The following SARNP variants were observed in gnomAD, a reference collection of about 807,000 sequenced individuals.
SARNP encodes SAP domain containing ribonucleoprotein, also known as SAP domain-containing ribonucleoprotein.
A neutral mutation model predicts 38.1 loss-of-function variants in SARNP; 5 were observed. That is an observed-to-expected ratio of 0.13 (90% CI 0.07 to 0.28). SARNP has a LOEUF of 0.28. Ranked by LOEUF, SARNP falls within the 10% of genes least tolerant of loss-of-function variation. The pLI, the probability that SARNP is intolerant of heterozygous loss-of-function variation, is 1.00. For synonymous variants in SARNP, 84 were observed against 80.6 expected (o/e 1.04, Z -0.23); for missense variants, 180 against 243.9 (o/e 0.74, Z 1.75).
intron 1 of SARNP, among the ~76,000 whole-genome samples, chr12:55,813,279 A>C (rs905912439): frequency 7.9e-5 from 12 of 152,168 alleles, no homozygotes; most frequent in African/African-American, 2.4e-4. Flanking sequence ...ACAGGGTCTT[A>C]TGAAATTATA....
At chr12:55,757,925 G>A (rs1406582356) in intron 10 of SARNP, among the ~76,000 whole-genome samples, 1 of 152,178 alleles carries the variant, frequency 6.6e-6, no homozygotes, top group Non-Finnish European at 1.5e-5. Context: ...TCCAGTCAAT[G>A]GGGAGACGGA....
At chr12:55,765,920 C>T (rs891205708) in intron 9 of SARNP, among the ~76,000 whole-genome samples, 1 of 152,234 alleles carries the variant, frequency 6.6e-6, no homozygotes, top group South Asian at 2.1e-4. Flanking sequence ...TCTAGCGTGA[C>T]GGTGTTGCAT....
At chr12:55,772,213 A>G (rs1450539803) in intron 9 of SARNP, among the ~76,000 whole-genome samples, 2 of 152,172 alleles carry the variant, frequency 1.3e-5, no homozygotes, top group Non-Finnish European at 2.9e-5. Flanking sequence ...CTATCCACAC[A>G]TATACACATA....
chr12:55,778,695 G>GGT (rs1879256208), intron 9 of SARNP, among the ~76,000 whole-genome samples: 1 of 152,198 alleles, frequency 6.6e-6, no homozygotes, highest in African/African-American at 2.4e-5. Context: ...CAAGAGGCCA[G>GGT]GTGTGGTAGC....
At chr12:55,813,737 T>C (rs1592585998) in intron 1 of SARNP, among the ~76,000 whole-genome samples, 1 of 151,806 alleles carries the variant, frequency 6.6e-6, no homozygotes, top group South Asian at 2.1e-4. Flanking sequence ...AGTGACGGGG[T>C]TTCTCCATGT....
chr12:55,762,401 G>C (rs1878704215), intron 9 of SARNP, among the ~76,000 whole-genome samples: 1 of 151,152 alleles, frequency 6.6e-6, no homozygotes, highest in African/African-American at 2.4e-5. Flanking sequence ...TGCCTCCCAA[G>C]TAGCTGGACT....
intron 9 of SARNP, among the ~76,000 whole-genome samples, chr12:55,783,159 A>G (rs1316679430): frequency 6.6e-6 from 1 of 152,064 alleles, no homozygotes; most frequent in Non-Finnish European, 1.5e-5. Flanking sequence ...GTCCTTCACC[A>G]ACGGCACTGA....
chr12:55,767,510 C>G (rs1878873243), intron 9 of SARNP, among the ~76,000 whole-genome samples: 1 of 152,002 alleles, frequency 6.6e-6, no homozygotes, highest in Non-Finnish European at 1.5e-5. Context: ...TGTCACGCCG[C>G]TGCACTTCAG....
chr12:55,816,192 G>T (rs7954619), intron 1 of SARNP, among the ~76,000 whole-genome samples: 1 of 152,100 alleles, frequency 6.6e-6, no homozygotes, highest in African/African-American at 2.4e-5. Context: ...ACTTACTCCA[G>T]GGATTTCAAA....
chr12:55,774,377 G>T (rs1879099134), intron 9 of SARNP, among the ~76,000 whole-genome samples: 2 of 151,694 alleles, frequency 1.3e-5, no homozygotes, highest in South Asian at 4.2e-4. Context: ...TTCTGTAACT[G>T]ACTCCTCTAT....
chr12:55,816,763 C>A (rs886366023), intron 1 of SARNP, among the ~76,000 whole-genome samples: 1 of 152,002 alleles, frequency 6.6e-6, no homozygotes, highest in Admixed American at 6.6e-5. Flanking sequence ...TTAAAATGTT[C>A]TTCTTTTTAA....
At chr12:55,811,281 G>C (rs764031033) in intron 1 of SARNP, among the ~76,000 whole-genome samples, 5 of 152,108 alleles carry the variant, frequency 3.3e-5, no homozygotes, top group Non-Finnish European at 5.9e-5. Flanking sequence ...GCTTGGCCAG[G>C]TGTGGTGGCT....
chr12:55,757,366 G>A lies in SARNP; in HGVS notation c.*146C>T, dbSNP rs1592550924. 4 of 478,828 alleles carry A rather than the reference G, an allele frequency of 8.4e-6. No homozygotes were observed. The highest frequency in any genetic ancestry group is 1.4e-5 in the Non-Finnish European group (4 of 278,384). 29.7% of individuals were successfully genotyped at this position (478,828 alleles called of 1,614,324 possible). On this transcript the variant is annotated 3_prime_UTR_variant, in exon 11 of 11. Coordinates refer to ENST00000336133, the MANE Select transcript of SARNP (RefSeq NM_033082.4). ...AACAGCAATAAGTCAAACTGCTGCC[G>A]CAGTTCATGGATGTACCTGGGGTAC...
chr12:55,804,430 A>C (rs1565682502), intron 1 of SARNP, among the ~76,000 whole-genome samples: 2 of 151,734 alleles, frequency 1.3e-5, no homozygotes, highest in East Asian at 3.9e-4. Flanking sequence ...AAAAAAAAAA[A>C]CACTTCTTCA....
chr12:55,783,794 CAATT>C (rs937928421), intron 9 of SARNP, among the ~76,000 whole-genome samples: 1 of 151,542 alleles, frequency 6.6e-6, no homozygotes, highest in Admixed American at 6.6e-5. Flanking sequence ...CAGATTGTGA[CAATT>C]AAAAAAAAAT....
chr12:55,754,906 A>G (rs1301498951), downstream of SARNP: 21 of 152,244 alleles, frequency 1.4e-4, no homozygotes, highest in Admixed American at 1.4e-3. Flanking sequence ...AATCTATCCT[A>G]TTGAAAGTGA....
chr12:55,759,856 G>A (rs1479011932), intron 10 of SARNP, among the ~76,000 whole-genome samples: 2 of 152,054 alleles, frequency 1.3e-5, no homozygotes, highest in East Asian at 3.9e-4. Context: ...TCCCATCTCA[G>A]CCTCCTGAGT....
chr12:55,765,289 C>G (rs562832993), intron 9 of SARNP, among the ~76,000 whole-genome samples: 35 of 152,302 alleles, frequency 2.3e-4, no homozygotes, highest in Non-Finnish European at 4.0e-4. Context: ...TCTCCTGGTT[C>G]TTTATTTGGC....
chr12:55,780,400 G>A (rs1879309429), intron 9 of SARNP, among the ~76,000 whole-genome samples: 1 of 151,904 alleles, frequency 6.6e-6, no homozygotes, highest in Non-Finnish European at 1.5e-5. Context: ...GTTGCAGTGA[G>A]CTCAGATTGC....
Sources: allele counts gnomAD v4.1 joint callset (sites outside exome capture counted in the v4.1 genomes callset), GRCh38; gene constraint gnomAD v4.1.1; transcripts MANE v1.5; gene names NCBI Gene and HGNC (gene_info 2026-07-23, HGNC 2026-07-21).